The following EPB41L3 variants were observed in gnomAD, a reference collection of about 807,000 sequenced individuals.
EPB41L3 encodes the protein erythrocyte membrane protein band 4.1 like 3.
EPB41L3 carries 57 observed loss-of-function variants against 127.1 expected under a neutral mutation model. The observed-to-expected ratio is 0.45, with a 90% CI of 0.36 to 0.56. The LOEUF (loss-of-function observed/expected upper bound fraction) is 0.56. Among genes scored for constraint, EPB41L3 ranks in the 20% least tolerant of loss-of-function variants. EPB41L3 has a pLI of 0.00. For missense variants in EPB41L3, 1,273 were observed against 1,372.2 expected (o/e 0.93, Z 1.14); for synonymous variants, 572 against 549.5 (o/e 1.04, Z -0.57).
chr18:5,481,192 G>A (rs1350203344), intron 2 of EPB41L3, among the ~76,000 whole-genome samples: 1 of 152,134 alleles, frequency 6.6e-6, no homozygotes, highest in Non-Finnish European at 1.5e-5. Flanking sequence ...CAGAACTTGT[G>A]ACATTCATTT....
chr18:5,398,919 G>C lies in EPB41L3; in HGVS notation c.2350-776C>G, dbSNP rs536772585. 144 of 399,074 alleles carry C rather than the reference G, an allele frequency of 3.6e-4. 1 individual carries two copies. In the Admixed American group the frequency reaches 4.1e-3, roughly 11 times the overall value. The allele number at this position is 399,074 out of a possible 1,614,324, so 24.7% of individuals were successfully genotyped here. A position where few individuals can be genotyped will look rare whatever the true frequency, so the allele number is the denominator to read the frequency against. The stretch of plus-strand genomic sequence containing the variant: ...CCGGCGAGACTCGGCCTCCTTGATG[G>C]GGGCCAGGGATTCGGACAATTTCCG... On this transcript the variant is annotated intron_variant, in intron 16 of 22. Coordinates refer to ENST00000341928, the MANE Select transcript of EPB41L3 (RefSeq NM_012307.5).
At chr18:5,551,049 G>A (rs2093956638) in intron 3 of EPB41L3, among the ~76,000 whole-genome samples, 1 of 152,090 alleles carries the variant, frequency 6.6e-6, no homozygotes. Context: ...CCAAGCTTTG[G>A]TGAATTAACA....
At chr18:5,609,944 T>G (rs2094706913) in intron 3 of EPB41L3, among the ~76,000 whole-genome samples, 1 of 152,144 alleles carries the variant, frequency 6.6e-6, no homozygotes, top group African/African-American at 2.4e-5. Context: ...TCATTTGAGT[T>G]TGGGTGCTGC....
chr18:5,430,490 A>T (rs2078844178), intron 8 of EPB41L3, among the ~76,000 whole-genome samples: 1 of 152,200 alleles, frequency 6.6e-6, no homozygotes, highest in Non-Finnish European at 1.5e-5. Flanking sequence ...GCACGGCAAA[A>T]AAAAATGATA....
chr18:5,508,677 G>C (rs1430251566), intron 1 of EPB41L3, among the ~76,000 whole-genome samples: 1 of 143,138 alleles, frequency 7.0e-6, no homozygotes, highest in African/African-American at 2.6e-5. Context: ...TGAGGCAGGA[G>C]AATCACTTGA....
rs117049408 is a variant in EPB41L3 at position 5,466,901 on chromosome 18, T to C, written c.381+11340A>G. Among the ~76,000 whole-genome samples, 1,010 of 152,310 alleles carry C rather than the reference T, an allele frequency of 6.6e-3. 3 individuals are homozygous for C. Among genetic ancestry groups the C allele is most frequent in the Middle Eastern group, 0.014 (4 of 294 alleles). ...ACTTCCACAAAAAGGAAGGCATGAA[T>C]TGAAATGCTAACTAAGGGGAGATAA... On this transcript the variant is annotated intron_variant, in intron 3 of 22. Transcript: ENST00000341928.
chr18:5,444,261 C>T (rs781453896), intron 4 of EPB41L3, among the ~76,000 whole-genome samples: 1 of 152,220 alleles, frequency 6.6e-6, no homozygotes. Flanking sequence ...TTCAGTTCCA[C>T]ATTAGAGACT....
At chr18:5,515,898 G>A (rs940140721) in intron 1 of EPB41L3, among the ~76,000 whole-genome samples, 1 of 152,136 alleles carries the variant, frequency 6.6e-6, no homozygotes, top group Non-Finnish European at 1.5e-5. Flanking sequence ...AATAGAGGAG[G>A]ACCTGCTGCA....
At chr18:5,431,689 T>G in intron 8 of EPB41L3, among the ~76,000 whole-genome samples, 1 of 152,200 alleles carries the variant, frequency 6.6e-6, no homozygotes, top group East Asian at 1.9e-4. Flanking sequence ...AATCAAAGTG[T>G]GTGATGTAAC....
At chr18:5,413,174 A>T (rs895658071) in intron 13 of EPB41L3, among the ~76,000 whole-genome samples, 4 of 152,218 alleles carry the variant, frequency 2.6e-5, no homozygotes, top group African/African-American at 9.6e-5. Flanking sequence ...AAATCAGTTA[A>T]TTTTTCTTCC....
At chr18:5,408,742 TAC>T (rs936444161) in intron 14 of EPB41L3, among the ~76,000 whole-genome samples, 22 of 151,954 alleles carry the variant, frequency 1.4e-4, no homozygotes, top group African/African-American at 5.1e-4. Flanking sequence ...TTTGAAAAAA[TAC>T]AGTTATCCCA....
intron 12 of EPB41L3, among the ~76,000 whole-genome samples, chr18:5,419,199 C>T (rs2077177349): frequency 6.6e-6 from 1 of 152,172 alleles, no homozygotes; most frequent in South Asian, 2.1e-4. Context: ...CAACTTTCTG[C>T]CTTAAGATCC....
chr18:5,461,346 G>A (rs752344116), intron 3 of EPB41L3, among the ~76,000 whole-genome samples: 31 of 152,088 alleles, frequency 2.0e-4, no homozygotes, highest in Non-Finnish European at 2.9e-4. Flanking sequence ...CTGCCTGTGC[G>A]TCTGCAAACC....
At chr18:5,574,013 C>A (rs1327099062) in intron 3 of EPB41L3, among the ~76,000 whole-genome samples, 1 of 151,458 alleles carries the variant, frequency 6.6e-6, no homozygotes, top group South Asian at 2.1e-4. Context: ...CGGGTTCAAG[C>A]GATTCTCCTG....
At chr18:5,499,829 G>GTGTGTGTGTATATATATATATATATATA (rs563662904) in intron 1 of EPB41L3, among the ~76,000 whole-genome samples, 1 of 124,618 alleles carries the variant, frequency 8.0e-6, no homozygotes, top group African/African-American at 3.1e-5. Flanking sequence ...CTATGTGTGT[G>GTGTGTGTGTATATATATATATATATATA]TATATATATA....
chr18:5,566,215 C>T (rs1388619167), intron 3 of EPB41L3, among the ~76,000 whole-genome samples: 3 of 152,052 alleles, frequency 2.0e-5, no homozygotes, highest in Non-Finnish European at 4.4e-5. Context: ...TCTAGAAAAC[C>T]CCATCATCTC....
chr18:5,459,940 A>G (rs1346237307), intron 3 of EPB41L3, among the ~76,000 whole-genome samples: 1 of 152,194 alleles, frequency 6.6e-6, no homozygotes, highest in African/African-American at 2.4e-5. Context: ...GCACATGTGC[A>G]GATGTGTTAT....
Position 5,434,037 on chromosome 18 carries a change from G to C in EPB41L3, c.690C>G (p.Ser230=). Residue 230 remains serine, a synonymous_variant, in exon 7 of 23, where the codon TCC becomes TCG. Coordinates refer to ENST00000341928, the MANE Select transcript of EPB41L3 (RefSeq NM_012307.5). ...CTCCGAGCTCTGACTGGACAGTGTA[G>C]GAGCCCAGCAAGGCCAGGGTAACAA... ...CSFVTLALLG[S]YTVQSELGDY... 6.2e-7 allele frequency: 1 copy of C among 1,614,168 alleles called. No homozygotes were observed. Among genetic ancestry groups the C allele is most frequent in the Non-Finnish European group, 8.5e-7 (1 of 1,180,026 alleles).
Position 5,416,322 on chromosome 18 carries a change from G to A in EPB41L3, c.1563C>T (p.Ala521=), listed in dbSNP as rs778849719. ...CPLSPPSTHC[A]PTSPTELRRR... is the part of the protein sequence containing the mutation. The stretch of plus-strand genomic sequence containing the variant: ...TACGGAGCTCTGTGGGAGATGTGGG[G>A]GCACAATGGGTGGATGGGGGTGACA... The change falls in exon 13 of 23, where the codon GCC becomes GCT. Residue 521 remains alanine, a synonymous_variant. Coordinates refer to ENST00000341928, the MANE Select transcript of EPB41L3 (RefSeq NM_012307.5). 3.1e-6 allele frequency: 5 copies of A among 1,614,052 alleles called. No homozygotes were observed. Among genetic ancestry groups the A allele is most frequent in the East Asian group, 2.2e-5 (1 of 44,876 alleles).
Sources: allele counts gnomAD v4.1 joint callset (sites outside exome capture counted in the v4.1 genomes callset), GRCh38; gene constraint gnomAD v4.1.1; transcripts MANE v1.5; gene names NCBI Gene and HGNC (gene_info 2026-07-23, HGNC 2026-07-21).